The following SPMIP2 variants were observed in gnomAD, a reference collection of about 807,000 sequenced individuals.
The protein encoded by SPMIP2 is protein SPMIP2.
chr4:158,908,489 G>A, the SPMIP2 span, among the ~76,000 whole-genome samples: 2 of 152,142 alleles, frequency 1.3e-5, no homozygotes, highest in East Asian at 3.8e-4. Flanking sequence ...TTTTTACTTT[G>A]TAAGATTTAG....
the SPMIP2 span, among the ~76,000 whole-genome samples, chr4:158,934,902 G>A: frequency 3.8e-4 from 57 of 151,826 alleles, no homozygotes; most frequent in Admixed American, 2.0e-3. Context: ...TGTCTCCCTC[G>A]GTCTCTCCTT....
At chr4:158,896,338 CCTTT>C in the SPMIP2 span, among the ~76,000 whole-genome samples, 1 of 152,120 alleles carries the variant, frequency 6.6e-6, no homozygotes, top group Non-Finnish European at 1.5e-5. Flanking sequence ...TGCTTTCCTT[CCTTT>C]ATTATAAGCC....
At chr4:159,007,170 G>A in the SPMIP2 span, 1 of 965,138 alleles carries the variant, frequency 1.0e-6, no homozygotes, top group Non-Finnish European at 1.6e-6. Flanking sequence ...GTAAACAGGT[G>A]GAGATCTTCA....
chr4:158,955,844 G>T, the SPMIP2 span, among the ~76,000 whole-genome samples: 2 of 152,204 alleles, frequency 1.3e-5, no homozygotes, highest in Non-Finnish European at 2.9e-5. Context: ...TAAAAAATAT[G>T]CCTTCGAATG....
the SPMIP2 span, among the ~76,000 whole-genome samples, chr4:159,020,052 G>A: frequency 6.6e-6 from 1 of 151,736 alleles, no homozygotes; most frequent in Non-Finnish European, 1.5e-5. Flanking sequence ...CCTGGGAGTC[G>A]GAGGTTGCAG....
the SPMIP2 span, among the ~76,000 whole-genome samples, chr4:159,041,023 A>C: frequency 6.6e-6 from 1 of 152,138 alleles, no homozygotes; most frequent in East Asian, 1.9e-4. Flanking sequence ...CTTCCCCTAA[A>C]TCCTTGCCAC....
At chr4:158,999,520 A>G in the SPMIP2 span, among the ~76,000 whole-genome samples, 3 of 152,228 alleles carry the variant, frequency 2.0e-5, no homozygotes, top group African/African-American at 4.8e-5. Context: ...AAAAACATGT[A>G]AACCTGCTAT....
the SPMIP2 span, among the ~76,000 whole-genome samples, chr4:158,931,367 A>G: frequency 6.6e-6 from 1 of 152,130 alleles, no homozygotes; most frequent in Admixed American, 6.5e-5. Flanking sequence ...CTTGTGCCTC[A>G]GCCTCCCAAG....
the SPMIP2 span, chr4:158,907,449 G>A: frequency 5.9e-5 from 9 of 152,024 alleles, no homozygotes; most frequent in Admixed American, 2.6e-4. Flanking sequence ...AAAAATCCCC[G>A]CTTGCTAAAT....
At chr4:158,923,929 A>G in the SPMIP2 span, among the ~76,000 whole-genome samples, 2 of 152,138 alleles carry the variant, frequency 1.3e-5, no homozygotes, top group Non-Finnish European at 2.9e-5. Flanking sequence ...CCCCAAGGTG[A>G]TCCTATTTGC....
chr4:159,028,680 T>A, the SPMIP2 span, among the ~76,000 whole-genome samples: 6 of 152,250 alleles, frequency 3.9e-5, no homozygotes, highest in Non-Finnish European at 7.3e-5. Context: ...GGTAAACAAA[T>A]TAATGTCATT....
chr4:158,977,260 C>G, the SPMIP2 span, among the ~76,000 whole-genome samples: 1 of 152,162 alleles, frequency 6.6e-6, no homozygotes, highest in African/African-American at 2.4e-5. Flanking sequence ...TAATTACTAC[C>G]TCAATTTCAG....
At chr4:159,021,971 G>A in the SPMIP2 span, among the ~76,000 whole-genome samples, 1 of 152,094 alleles carries the variant, frequency 6.6e-6, no homozygotes, top group African/African-American at 2.4e-5. Flanking sequence ...TCAGTTCCTT[G>A]GTATGATCTG....
the SPMIP2 span, among the ~76,000 whole-genome samples, chr4:158,988,889 A>C: frequency 2.0e-5 from 3 of 152,204 alleles, no homozygotes; most frequent in Non-Finnish European, 4.4e-5. Flanking sequence ...TGGCCAGGTC[A>C]ATCAGGCAAG....
the SPMIP2 span, among the ~76,000 whole-genome samples, chr4:159,011,975 G>T: frequency 1.3e-5 from 2 of 150,874 alleles, no homozygotes; most frequent in Non-Finnish European, 2.9e-5. Context: ...AGAATCACTT[G>T]AACCCAGAAG....
At chr4:158,981,570 G>T in the SPMIP2 span, among the ~76,000 whole-genome samples, 8 of 152,084 alleles carry the variant, frequency 5.3e-5, no homozygotes, top group South Asian at 2.1e-4. Flanking sequence ...TTAAAGAAAA[G>T]AATTTTCAAC....
At chr4:158,968,125 G>A in the SPMIP2 span, among the ~76,000 whole-genome samples, 1 of 152,164 alleles carries the variant, frequency 6.6e-6, no homozygotes. Flanking sequence ...CACTTCCCGG[G>A]TTCAAGCAGT....
At chr4:158,981,404 T>C in the SPMIP2 span, among the ~76,000 whole-genome samples, 4 of 152,014 alleles carry the variant, frequency 2.6e-5, no homozygotes, top group African/African-American at 9.7e-5. Flanking sequence ...CACATAATCA[T>C]CAGAGTCACC....
the SPMIP2 span, among the ~76,000 whole-genome samples, chr4:159,064,563 T>TCAA: frequency 0.41 from 62,093 of 151,856 alleles, 12,900 homozygotes; most frequent in East Asian, 0.6. Context: ...TCAAAAATGG[T>TCAA]CAACAAGATT....
Sources: gnomAD v4.1 joint callset for allele counts (sites outside exome capture counted in the v4.1 genomes callset) on GRCh38, gnomAD v4.1.1 for gene constraint, MANE v1.5 for transcripts, NCBI Gene and HGNC (gene_info 2026-07-23, HGNC 2026-07-21) for gene names.